The following RSRC1 variants were observed in gnomAD, a reference collection of about 807,000 sequenced individuals.
RSRC1 encodes the protein serine/Arginine-related protein 53.
RSRC1 carries 39 observed loss-of-function variants against 49.1 expected under a neutral mutation model. The ratio of observed to expected loss-of-function variants is 0.79; its 90% confidence interval spans 0.61 to 1.04. The LOEUF (loss-of-function observed/expected upper bound fraction) is 1.04, where lower values mean the gene tolerates loss of function less well. Among genes scored for constraint, RSRC1 ranks in the 50% least tolerant of loss-of-function variants. RSRC1 has a pLI of 0.00. For missense variants in RSRC1, 388 were observed against 402.4 expected (o/e 0.96, Z 0.31); for synonymous variants, 143 against 130.8 (o/e 1.09, Z -0.63).
chr3:158,347,129 T>C (rs895335642), intron 5 of RSRC1, among the ~76,000 whole-genome samples: 9 of 152,222 alleles, frequency 5.9e-5, no homozygotes, highest in African/African-American at 2.2e-4. Context: ...TTTTAGTAAA[T>C]AGTAAATAGT....
chr3:158,343,332 C>T (rs570258710), intron 5 of RSRC1, among the ~76,000 whole-genome samples: 40 of 152,148 alleles, frequency 2.6e-4, no homozygotes, highest in African/African-American at 9.6e-4. Context: ...TGTCCTAGAA[C>T]AAAATTCCAA....
At chr3:158,361,743 CA>C (rs1731486516) in intron 6 of RSRC1, among the ~76,000 whole-genome samples, 1 of 152,132 alleles carries the variant, frequency 6.6e-6, no homozygotes. Context: ...CATTGGTCTT[CA>C]AGTTTCCCGT....
At chr3:158,446,855 A>T (rs1459130797) in intron 6 of RSRC1, among the ~76,000 whole-genome samples, 1 of 152,030 alleles carries the variant, frequency 6.6e-6, no homozygotes. Context: ...CCTGGAGAGT[A>T]AATGCAACAG....
chr3:158,367,330 G>C (rs766720218), intron 6 of RSRC1, among the ~76,000 whole-genome samples: 1 of 152,132 alleles, frequency 6.6e-6, no homozygotes, highest in Non-Finnish European at 1.5e-5. Flanking sequence ...AGTTTATTGA[G>C]AGTTTTTTGC....
intron 3 of RSRC1, among the ~76,000 whole-genome samples, chr3:158,135,484 T>A (rs1716316377): frequency 6.6e-6 from 1 of 151,792 alleles, no homozygotes; most frequent in African/African-American, 2.4e-5. Context: ...TTTACCATGT[T>A]GGCCAGGCTG....
chr3:158,219,794 G>T (rs141587168), intron 4 of RSRC1, among the ~76,000 whole-genome samples: 203 of 151,624 alleles, frequency 1.3e-3, no homozygotes, highest in African/African-American at 4.8e-3. Flanking sequence ...TACCTAAGTG[G>T]ATCTTGATCT....
intron 5 of RSRC1, among the ~76,000 whole-genome samples, chr3:158,340,547 A>G (rs1458835191): frequency 6.6e-6 from 1 of 152,220 alleles, no homozygotes; most frequent in Non-Finnish European, 1.5e-5. Flanking sequence ...TCTCAAAAAA[A>G]GAAAAAGAAA....
intron 3 of RSRC1, among the ~76,000 whole-genome samples, chr3:158,189,757 A>C (rs1045819489): frequency 6.6e-6 from 1 of 151,796 alleles, no homozygotes; most frequent in Non-Finnish European, 1.5e-5. Flanking sequence ...ATTTGGATTT[A>C]ATTCTACCAT....
chr3:158,297,574 C>G (rs1727303996), intron 4 of RSRC1, among the ~76,000 whole-genome samples: 1 of 151,726 alleles, frequency 6.6e-6, no homozygotes, highest in Non-Finnish European at 1.5e-5. Flanking sequence ...TGTGTACATT[C>G]TTTTTATAAA....
chr3:158,331,707 G>A (rs574617950), intron 5 of RSRC1, among the ~76,000 whole-genome samples: 12 of 151,466 alleles, frequency 7.9e-5, no homozygotes, highest in Admixed American at 1.3e-4. Flanking sequence ...TTTTTGAAGT[G>A]TATTCATTTT....
chr3:158,504,050 C>G (rs1211853986), intron 7 of RSRC1, among the ~76,000 whole-genome samples: 2 of 152,224 alleles, frequency 1.3e-5, no homozygotes. Flanking sequence ...CAGGGCCTTT[C>G]TGCTGCTTCT....
At chr3:158,237,255 C>T (rs893711405) in intron 4 of RSRC1, among the ~76,000 whole-genome samples, 11 of 152,148 alleles carry the variant, frequency 7.2e-5, no homozygotes, top group Non-Finnish European at 1.6e-4. Flanking sequence ...GAGTAAACAC[C>T]TAACAGTCAG....
At chr3:158,139,885 G>A (rs1315988279) in intron 3 of RSRC1, among the ~76,000 whole-genome samples, 5 of 152,116 alleles carry the variant, frequency 3.3e-5, no homozygotes, top group Non-Finnish European at 7.4e-5. Context: ...GCCCGCCTTG[G>A]CCTCCCAAAG....
chr3:158,180,419 C>CGTGTGTGTGTGTGTGTGT (rs374155981), intron 3 of RSRC1, among the ~76,000 whole-genome samples: 98 of 40,780 alleles, frequency 2.4e-3, no homozygotes, highest in Non-Finnish European at 3.0e-3. Context: ...TTTTTTTTGC[C>CGTGTGTGTGTGTGTGTGT]GTGTGTGTGT....
At chr3:158,144,967 C>T (rs1217849919) in intron 3 of RSRC1, among the ~76,000 whole-genome samples, 3 of 152,142 alleles carry the variant, frequency 2.0e-5, no homozygotes, top group Non-Finnish European at 4.4e-5. Flanking sequence ...CCTTTGCCCA[C>T]TTGTTGATGG....
chr3:158,515,954 T>A (rs1740500646), intron 7 of RSRC1, among the ~76,000 whole-genome samples: 1 of 151,016 alleles, frequency 6.6e-6, no homozygotes, highest in Non-Finnish European at 1.5e-5. Flanking sequence ...CTCCATCAGC[T>A]CCTTTAAGCA....
intron 6 of RSRC1, among the ~76,000 whole-genome samples, chr3:158,396,519 G>A (rs1232372800): frequency 6.6e-6 from 1 of 151,756 alleles, no homozygotes; most frequent in East Asian, 1.9e-4. Context: ...CTGAATAAAT[G>A]GACCCAGATA....
intron 3 of RSRC1, among the ~76,000 whole-genome samples, chr3:158,142,164 A>T (rs1278262513): frequency 6.6e-6 from 1 of 152,382 alleles, no homozygotes; most frequent in East Asian, 1.9e-4. Flanking sequence ...CTTAATCATC[A>T]TGATTTGAAA....
At chr3:158,470,017 A>G (rs1325964674) in intron 7 of RSRC1, among the ~76,000 whole-genome samples, 3 of 152,048 alleles carry the variant, frequency 2.0e-5, no homozygotes, top group Admixed American at 6.6e-5. Flanking sequence ...TCACATTATC[A>G]TACCTCATAA....
Sources: gnomAD v4.1 joint callset for allele counts (sites outside exome capture counted in the v4.1 genomes callset) on GRCh38, gnomAD v4.1.1 for gene constraint, MANE v1.5 for transcripts, NCBI Gene and HGNC (gene_info 2026-07-23, HGNC 2026-07-21) for gene names.